The following FAT3 variants were observed in gnomAD, a reference collection of about 807,000 sequenced individuals.
FAT3 encodes protocadherin Fat 3.
In FAT3, 95 loss-of-function variants were observed where a neutral mutation model predicts 310.2. That is an observed-to-expected ratio of 0.31 (90% CI 0.26 to 0.36). The LOEUF (loss-of-function observed/expected upper bound fraction) is 0.36, where lower values mean the gene tolerates loss of function less well. Among genes scored for constraint, FAT3 ranks in the 10% least tolerant of loss-of-function variants. FAT3 has a pLI of 1.00. For missense variants in FAT3, 5,408 were observed against 5,715.6 expected (o/e 0.95, Z 1.74); for synonymous variants, 2,314 against 2,192.9 (o/e 1.06, Z -1.54).
intron 2 of FAT3, among the ~76,000 whole-genome samples, chr11:92,369,476 T>A (rs1402070332): frequency 6.6e-6 from 1 of 152,062 alleles, no homozygotes; most frequent in Admixed American, 6.5e-5. Flanking sequence ...TAGACCAAGT[T>A]TGTATGTGAG....
intron 3 of FAT3, among the ~76,000 whole-genome samples, chr11:92,532,234 C>G (rs1158743204): frequency 6.6e-6 from 1 of 151,940 alleles, no homozygotes; most frequent in African/African-American, 2.4e-5. Flanking sequence ...CACAAAGAGG[C>G]CTTGCTAAGT....
chr11:92,269,602 TA>T (rs1452553655), intron 1 of FAT3, among the ~76,000 whole-genome samples: 10 of 152,124 alleles, frequency 6.6e-5, no homozygotes, highest in Non-Finnish European at 1.5e-4. Flanking sequence ...GATTTCTCAT[TA>T]GAAGTTATGG....
chr11:92,562,011 G>A (rs547719936), intron 3 of FAT3, among the ~76,000 whole-genome samples: 2 of 152,258 alleles, frequency 1.3e-5, no homozygotes, highest in East Asian at 3.9e-4. Flanking sequence ...ATTCATTAAA[G>A]TGGGTAATTA....
chr11:92,518,347 G>A (rs961870498), intron 2 of FAT3, among the ~76,000 whole-genome samples: 1 of 152,070 alleles, frequency 6.6e-6, no homozygotes, highest in Admixed American at 6.6e-5. Flanking sequence ...AAAAGGATGA[G>A]TTCCTGTCTT....
intron 1 of FAT3, among the ~76,000 whole-genome samples, chr11:92,300,776 C>T (rs1946979327): frequency 6.6e-6 from 1 of 152,082 alleles, no homozygotes; most frequent in South Asian, 2.1e-4. Flanking sequence ...GCACATGGCT[C>T]ATAGTAAAAA....
At chr11:92,442,111 A>ATTTTTT (rs869097021) in intron 2 of FAT3, among the ~76,000 whole-genome samples, 1 of 45,218 alleles carries the variant, frequency 2.2e-5, no homozygotes, top group African/African-American at 1.8e-4. Context: ...ATATATATAT[A>ATTTTTT]TTTTTTTTTT....
chr11:92,674,662 A>G (rs892910438), intron 3 of FAT3, among the ~76,000 whole-genome samples: 1 of 152,096 alleles, frequency 6.6e-6, no homozygotes, highest in Non-Finnish European at 1.5e-5. Context: ...AACTAGGACT[A>G]CAGGCATGCT....
chr11:92,288,419 T>A (rs1946611301), intron 1 of FAT3, among the ~76,000 whole-genome samples: 1 of 152,142 alleles, frequency 6.6e-6, no homozygotes, highest in Non-Finnish European at 1.5e-5. Context: ...GGGTCTATCC[T>A]CTGTTTTAGA....
Position 92,801,802 on chromosome 11 carries a change from G to T in FAT3, c.8789G>T (p.Arg2930Leu), listed in dbSNP as rs370539148. 1.1e-4 allele frequency: 178 copies of T among 1,613,782 alleles called. No individual in the cohort carries two copies. Among genetic ancestry groups the T allele is most frequent in the Non-Finnish European group, 1.5e-4 (175 of 1,179,870 alleles). Residue 2930 changes from arginine (R) to leucine (L), a missense_variant, in exon 10 of 28, where the codon CGA (arginine) becomes CTA (leucine). Arg to Leu is a moderately radical substitution (Grantham distance 102). Transcript: ENST00000525166. ...NAPVFAQEVY[R>L]GNVKESDPPG... is the part of the protein sequence containing the mutation. ...CCAGTCTTCGCGCAGGAAGTGTACC[G>T]AGGGAATGTGAAGGAGAGCGACCCA...
At chr11:92,342,243 G>C (rs1471166339) in intron 1 of FAT3, among the ~76,000 whole-genome samples, 2 of 151,964 alleles carry the variant, frequency 1.3e-5, no homozygotes, top group African/African-American at 4.8e-5. Context: ...AAATGGTCAC[G>C]TGATGCCCCT....
chr11:92,794,862 T>G (rs985344324), intron 9 of FAT3, among the ~76,000 whole-genome samples: 10 of 152,196 alleles, frequency 6.6e-5, no homozygotes, highest in African/African-American at 2.4e-4. Context: ...TGGTCCGCAC[T>G]GGTCCTAGAG....
chr11:92,486,058 T>C (rs1952374080), intron 2 of FAT3, among the ~76,000 whole-genome samples: 1 of 148,154 alleles, frequency 6.7e-6, no homozygotes, highest in African/African-American at 2.5e-5. Flanking sequence ...GTAGGAGATA[T>C]GGGAAAAATA....
intron 2 of FAT3, among the ~76,000 whole-genome samples, chr11:92,467,273 C>T (rs1037082380): frequency 6.6e-6 from 1 of 152,128 alleles, no homozygotes; most frequent in African/African-American, 2.4e-5. Flanking sequence ...GATTGCCATT[C>T]TAACTGGTGT....
chr11:92,239,096 A>C (rs1276302117), intron 1 of FAT3, among the ~76,000 whole-genome samples: 1 of 152,138 alleles, frequency 6.6e-6, no homozygotes, highest in South Asian at 2.1e-4. Context: ...GTATTTCTCT[A>C]CTAAAGAAAT....
At chr11:92,235,274 C>T (rs1864371394) in intron 1 of FAT3, among the ~76,000 whole-genome samples, 1 of 152,100 alleles carries the variant, frequency 6.6e-6, no homozygotes. Flanking sequence ...GCCCCTTTAT[C>T]TCTCCCAACC....
intron 3 of FAT3, among the ~76,000 whole-genome samples, chr11:92,647,101 C>T (rs1246708717): frequency 6.6e-6 from 1 of 152,008 alleles, no homozygotes; most frequent in Non-Finnish European, 1.5e-5. Flanking sequence ...AATGTTGAGC[C>T]TTCCATTTGG....
At chr11:92,857,821 C>T (rs754596069) in intron 20 of FAT3, among the ~76,000 whole-genome samples, 14 of 152,116 alleles carry the variant, frequency 9.2e-5, no homozygotes, top group Non-Finnish European at 1.5e-4. Flanking sequence ...AGACTCCCTA[C>T]TGGAAATGTT....
rs1208081599 is a variant in FAT3, at chr11:92,895,764, G to A, written c.*4651G>A. ...TGGTTTGTAAAAGATGTATGTTTTG[G>A]TGTTTGAAATGTTTATAAAATTGTA... On this transcript the variant is annotated 3_prime_UTR_variant, in exon 28 of 28. Transcript: ENST00000525166. 6.6e-6 allele frequency: 1 copy of A among 152,108 alleles called. No individual in the cohort carries two copies. Among genetic ancestry groups the A allele is most frequent in the African/African-American group, 2.4e-5 (1 of 41,418 alleles). 9.4% of individuals were successfully genotyped at this position (152,108 alleles called of 1,614,324 possible).
intron 1 of FAT3, among the ~76,000 whole-genome samples, chr11:92,349,582 T>A (rs1466054397): frequency 6.6e-6 from 1 of 152,182 alleles, no homozygotes; most frequent in East Asian, 1.9e-4. Flanking sequence ...TAATAAAGTT[T>A]CCTTTGAAAT....
Sources: gnomAD v4.1 joint callset for allele counts (sites outside exome capture counted in the v4.1 genomes callset) on GRCh38, gnomAD v4.1.1 for gene constraint, MANE v1.5 for transcripts, NCBI Gene and HGNC (gene_info 2026-07-23, HGNC 2026-07-21) for gene names.